Variants in CDYL2 observed in about 807,000 individuals in gnomAD.
CDYL2 encodes the protein chromodomain Y-like protein 2.
A neutral mutation model predicts 49.4 loss-of-function variants in CDYL2; 23 were observed. That is an observed-to-expected ratio of 0.47 (90% CI 0.34 to 0.66). The LOEUF (loss-of-function observed/expected upper bound fraction) is 0.66. CDYL2 is among the 30% of genes least tolerant of loss of function. The pLI, the probability that CDYL2 is intolerant of heterozygous loss-of-function variation, is 0.01. For synonymous variants in CDYL2, 360 were observed against 268.8 expected, an observed-to-expected ratio of 1.34 and a Z score of -3.32; for missense variants, 678 against 656.4, an observed-to-expected ratio of 1.03 and a Z score of -0.36.
intron 1 of CDYL2, among the ~76,000 whole-genome samples, chr16:80,715,586 T>C (rs1242844293): frequency 6.6e-6 from 1 of 152,112 alleles, no homozygotes; most frequent in Non-Finnish European, 1.5e-5. Context: ...GGCCTCCCTT[T>C]CCTCCACTCT....
At chr16:80,803,582 C>A (rs892292858) in intron 1 of CDYL2, among the ~76,000 whole-genome samples, 2 of 148,358 alleles carry the variant, frequency 1.3e-5, no homozygotes, top group Non-Finnish European at 3.0e-5. Context: ...GGTTGTCCCC[C>A]CGAACCCCCA....
At chr16:80,620,258 G>C (rs1907019712) in intron 4 of CDYL2, among the ~76,000 whole-genome samples, 1 of 152,208 alleles carries the variant, frequency 6.6e-6, no homozygotes, top group South Asian at 2.1e-4. Flanking sequence ...GGGGCAATTA[G>C]AAAGGGGGAA....
intron 2 of CDYL2, among the ~76,000 whole-genome samples, chr16:80,640,906 A>C (rs573953680): frequency 2.4e-4 from 37 of 152,324 alleles, no homozygotes; most frequent in Non-Finnish European, 5.1e-4. Flanking sequence ...TAGTCAGAGG[A>C]AATAAAAGAA....
rs990497273 is a variant in CDYL2 at position 80,608,201 on chromosome 16, G to C, written c.1253C>G (p.Thr418Ser). The C allele has an allele frequency of 6.3e-7, 1 of 1,592,062 alleles. No homozygotes were observed. The highest frequency in any genetic ancestry group is 1.1e-5 in the South Asian group (1 of 87,218). The change falls in exon 6 of 7, where the codon ACC becomes AGC. Residue 418 changes from threonine (T) to serine (S), a missense_variant. This residue lies in a region of CDYL2 where 153 missense variants were observed against 150.6 expected (regional missense o/e 1.02). Coordinates refer to ENST00000570137, the MANE Select transcript of CDYL2 (RefSeq NM_152342.4). ...CCCCCTGCTGCAGGCCTCCTGGGCG[G>C]TGAGCTTCCGCCCACAGAACAGCAT... ...NEMLFCGRKLTAQEACSRGLV... is the reference protein window; with the variant it reads ...NEMLFCGRKLSAQEACSRGLV...
At chr16:80,697,287 G>T (rs530981776) in intron 1 of CDYL2, among the ~76,000 whole-genome samples, 107 of 152,184 alleles carry the variant, frequency 7.0e-4, no homozygotes, top group Middle Eastern at 3.4e-3. Context: ...GAAAATAAAT[G>T]TAATACATCA....
chr16:80,710,152 C>CT (rs1904546368), intron 1 of CDYL2, among the ~76,000 whole-genome samples: 1 of 152,168 alleles, frequency 6.6e-6, no homozygotes, highest in Non-Finnish European at 1.5e-5. Flanking sequence ...TGGTCTCGAA[C>CT]TCCTGACCTC....
chr16:80,803,743 C>T (rs918190669), intron 1 of CDYL2, among the ~76,000 whole-genome samples: 2 of 143,046 alleles, frequency 1.4e-5, no homozygotes, highest in Non-Finnish European at 3.1e-5. Flanking sequence ...GCGCGCCCCC[C>T]CGCATTCCCA....
intron 2 of CDYL2, among the ~76,000 whole-genome samples, chr16:80,660,653 T>C (rs1909003742): frequency 6.6e-6 from 1 of 152,202 alleles, no homozygotes; most frequent in African/African-American, 2.4e-5. Flanking sequence ...TCTGTGAACA[T>C]ATTAAACTCA....
chr16:80,619,311 C>T (rs931967989), intron 4 of CDYL2, among the ~76,000 whole-genome samples: 2 of 152,184 alleles, frequency 1.3e-5, no homozygotes, highest in Admixed American at 6.5e-5. Context: ...GGGATTGGCA[C>T]GTGGACATAT....
rs561560264 is a variant in CDYL2, at chr16:80,771,455, G to A, written c.24+32695C>T. On this transcript the variant is annotated intron_variant, in intron 1 of 6. Transcript: ENST00000570137. ...GCAGTAGATCACCCCTGTAATCCCA[G>A]CACTTCGGGAGGCCGAGGTAGGCGG... Among the ~76,000 whole-genome samples, 5 of 152,350 alleles carry A rather than the reference G, an allele frequency of 3.3e-5. No individual in the cohort carries two copies. The South Asian group carries it at 1.0e-3, about 32-fold the overall frequency.
chr16:80,711,223 C>G (rs1432400584), intron 1 of CDYL2, among the ~76,000 whole-genome samples: 1 of 152,186 alleles, frequency 6.6e-6, no homozygotes, highest in Non-Finnish European at 1.5e-5. Flanking sequence ...ACTTTCTGGA[C>G]AAAGCAGATG....
chr16:80,626,385 G>T (rs1186052951), intron 3 of CDYL2, among the ~76,000 whole-genome samples: 1 of 151,986 alleles, frequency 6.6e-6, no homozygotes, highest in East Asian at 1.9e-4. Context: ...GGCAGGGGTT[G>T]GTATGGCGTA....
intron 1 of CDYL2, among the ~76,000 whole-genome samples, chr16:80,775,094 A>G (rs1907037600): frequency 6.6e-6 from 1 of 151,948 alleles, no homozygotes; most frequent in South Asian, 2.1e-4. Flanking sequence ...ACATAATTAC[A>G]TATGTTCAGG....
intron 1 of CDYL2, among the ~76,000 whole-genome samples, chr16:80,752,907 GA>G (rs1368675914): frequency 6.6e-6 from 1 of 152,192 alleles, no homozygotes; most frequent in Admixed American, 6.5e-5. Flanking sequence ...CAGGAAGAAG[GA>G]AATCTATCCC....
chr16:80,677,624 A>T (rs1030818315), intron 2 of CDYL2, among the ~76,000 whole-genome samples: 8 of 152,084 alleles, frequency 5.3e-5, no homozygotes, highest in African/African-American at 1.9e-4. Flanking sequence ...CTGTAGTCCC[A>T]GCTACTCGGG....
At chr16:80,724,501 T>C (rs1439927158) in intron 1 of CDYL2, among the ~76,000 whole-genome samples, 1 of 152,170 alleles carries the variant, frequency 6.6e-6, no homozygotes, top group Non-Finnish European at 1.5e-5. Flanking sequence ...TGACTCCTTG[T>C]CATAGTTCAT....
chr16:80,617,319 G>C (rs1281838840), intron 4 of CDYL2, among the ~76,000 whole-genome samples: 1 of 152,230 alleles, frequency 6.6e-6, no homozygotes, highest in Non-Finnish European at 1.5e-5. Context: ...TGTCCCAAGA[G>C]AAGAGATGGT....
intron 3 of CDYL2, 111 bp downstream of exon 3, chr16:80,632,908 T>C (rs1466487793): frequency 9.5e-7 from 1 of 1,049,998 alleles, no homozygotes; most frequent in East Asian, 2.5e-5. Context: ...TTATGCACGC[T>C]AGTTACCATC....
intron 2 of CDYL2, among the ~76,000 whole-genome samples, chr16:80,647,102 T>C (rs1196645212): frequency 6.6e-6 from 1 of 152,088 alleles, no homozygotes; most frequent in East Asian, 1.9e-4. Context: ...AGTTATCCCA[T>C]TTACAATAGC....
Sources: allele counts gnomAD v4.1 joint callset (sites outside exome capture counted in the v4.1 genomes callset), GRCh38; gene constraint gnomAD v4.1.1; regional missense constraint gnomAD v4.1.1; transcripts MANE v1.5; gene names NCBI Gene and HGNC (gene_info 2026-07-23, HGNC 2026-07-21).